The following DCAF8L2 variants were observed in gnomAD, a reference collection of about 807,000 sequenced individuals.
DCAF8L2 encodes DDB1 and CUL4 associated factor 8 like 2.
For synonymous variants in DCAF8L2, 200 were observed against 190.9 expected (o/e 1.05, Z -0.39); for missense variants, 430 against 490.7 (o/e 0.88, Z 1.17).
At chrX:27,627,906 G>A (rs1391059325) in intron 1 of DCAF8L2, among the ~76,000 whole-genome samples, 2 of 88,673 alleles carry the variant, frequency 2.3e-5, no homozygotes. Context: ...CTAGTCTGGT[G>A]ACAGAGCAAG....
At chrX:27,601,033 G>T (rs907910348) in intron 1 of DCAF8L2, among the ~76,000 whole-genome samples, 2 of 110,321 alleles carry the variant, frequency 1.8e-5, no homozygotes, top group Non-Finnish European at 3.8e-5. Flanking sequence ...GACTTCCTGG[G>T]CTCAAGCAAT....
At chrX:27,732,893 C>T (rs1357896645) in intron 4 of DCAF8L2, among the ~76,000 whole-genome samples, 1 of 111,194 alleles carries the variant, frequency 9.0e-6, no homozygotes, top group Non-Finnish European at 1.9e-5. Context: ...GAGTCTCGCT[C>T]TGTTGCCCAG....
At chrX:27,713,103 A>G (rs952809877) in intron 3 of DCAF8L2, among the ~76,000 whole-genome samples, 11 of 111,980 alleles carry the variant, frequency 9.8e-5, no homozygotes, top group Non-Finnish European at 7.5e-5. Context: ...TATAGAATGT[A>G]TGGCATCTAA....
At chrX:27,599,162 T>A (rs144253958) in intron 1 of DCAF8L2, among the ~76,000 whole-genome samples, 2,693 of 110,729 alleles carry the variant, frequency 0.024, 33 homozygotes, top group South Asian at 0.053. Context: ...GTGGTATATA[T>A]ACAGAATAAA....
intron 4 of DCAF8L2, among the ~76,000 whole-genome samples, chrX:27,726,398 T>A (rs1932071439): frequency 1.8e-5 from 2 of 111,645 alleles, no homozygotes; most frequent in Admixed American, 9.6e-5. Flanking sequence ...TCTCATTTAT[T>A]TTTAGGAACA....
the DCAF8L2 span, among the ~76,000 whole-genome samples, chrX:27,560,907 C>A: frequency 8.9e-6 from 1 of 112,201 alleles, no homozygotes; most frequent in Admixed American, 9.5e-5. Flanking sequence ...GAAGTGTTTG[C>A]CAAATCTTAT....
At chrX:27,653,206 A>G (rs1302269101) in intron 2 of DCAF8L2, among the ~76,000 whole-genome samples, 1 of 111,797 alleles carries the variant, frequency 8.9e-6, no homozygotes, top group Admixed American at 9.6e-5. Context: ...GCAATATAAT[A>G]CCTCAGCCAC....
intron 3 of DCAF8L2, among the ~76,000 whole-genome samples, chrX:27,684,288 T>C (rs145616664): frequency 3.4e-3 from 384 of 111,556 alleles, no homozygotes; most frequent in African/African-American, 0.012. Context: ...AGGAGGGCCA[T>C]TTTCTGAGCA....
chrX:27,498,622 T>C, the DCAF8L2 span, among the ~76,000 whole-genome samples: 1 of 112,220 alleles, frequency 8.9e-6, no homozygotes, highest in African/African-American at 3.2e-5. Context: ...CACATTATTA[T>C]TAACTATAGC....
At chrX:27,613,273 A>G (rs1224909811) in intron 1 of DCAF8L2, among the ~76,000 whole-genome samples, 1 of 111,331 alleles carries the variant, frequency 9.0e-6, no homozygotes, top group Non-Finnish European at 1.9e-5. Context: ...GTGTATAGGA[A>G]TGCTTGTAAT....
intron 4 of DCAF8L2, among the ~76,000 whole-genome samples, chrX:27,732,861 T>C (rs192403154): frequency 2.1e-4 from 23 of 110,764 alleles, no homozygotes; most frequent in Middle Eastern, 4.7e-3. Flanking sequence ...TCCCTTTTTT[T>C]AAAAAAAATT....
At chrX:27,514,344 C>A in the DCAF8L2 span, among the ~76,000 whole-genome samples, 1 of 97,694 alleles carries the variant, frequency 1.0e-5, no homozygotes, top group African/African-American at 4.3e-5. Context: ...GTCATACACA[C>A]ACACACAATG....
At chrX:27,490,662 A>G in the DCAF8L2 span, among the ~76,000 whole-genome samples, 3 of 110,374 alleles carry the variant, frequency 2.7e-5, no homozygotes. Flanking sequence ...GGGTTTCACC[A>G]TATTAGCCAG....
At chrX:27,603,990 T>C (rs1926766251) in intron 1 of DCAF8L2, among the ~76,000 whole-genome samples, 3 of 111,688 alleles carry the variant, frequency 2.7e-5, no homozygotes, top group South Asian at 3.7e-4. Flanking sequence ...TTTCCACTGA[T>C]TGATTAAAAT....
the DCAF8L2 span, among the ~76,000 whole-genome samples, chrX:27,506,782 G>A: frequency 3.6e-5 from 4 of 111,107 alleles, no homozygotes; most frequent in East Asian, 5.7e-4. Context: ...TCTGCCTCCC[G>A]GGTTCAAGCG....
the DCAF8L2 span, among the ~76,000 whole-genome samples, chrX:27,575,420 A>G: frequency 2.7e-5 from 3 of 110,831 alleles, no homozygotes; most frequent in African/African-American, 6.6e-5. Flanking sequence ...AGGAGTGCCT[A>G]TCCTCACCTA....
At chrX:27,713,738 A>G (rs1321696228) in intron 3 of DCAF8L2, among the ~76,000 whole-genome samples, 1 of 111,759 alleles carries the variant, frequency 8.9e-6, no homozygotes, top group African/African-American at 3.2e-5. Flanking sequence ...GATCTCTGTC[A>G]TAACTGCAAC....
At chrX:27,730,569 C>T (rs1921133714) in intron 4 of DCAF8L2, among the ~76,000 whole-genome samples, 2 of 110,507 alleles carry the variant, frequency 1.8e-5, no homozygotes, top group South Asian at 7.9e-4. Context: ...AGGTGCCCGC[C>T]ACCACACCTG....
At chrX:27,659,483 A>G (rs899147214) in intron 2 of DCAF8L2, among the ~76,000 whole-genome samples, 27 of 111,565 alleles carry the variant, frequency 2.4e-4, no homozygotes, top group African/African-American at 8.8e-4. Flanking sequence ...CTCCTATAGA[A>G]TGGATTTTCA....
Sources: allele counts gnomAD v4.1 joint callset (sites outside exome capture counted in the v4.1 genomes callset), GRCh38; gene constraint gnomAD v4.1.1; transcripts MANE v1.5; gene names NCBI Gene and HGNC (gene_info 2026-07-23, HGNC 2026-07-21).